RAD51B: variants seen among roughly 807,000 people sequenced by gnomAD.
RAD51B encodes RAD51 paralog B.
In RAD51B, 38 loss-of-function variants were observed where a neutral mutation model predicts 42.2. The observed-to-expected ratio is 0.90, with a 90% CI of 0.70 to 1.18. The LOEUF is 1.18. Ranked by LOEUF, RAD51B falls within the 50% of genes most tolerant of loss-of-function variation. RAD51B has a pLI of 0.00. For missense variants in RAD51B, 373 were observed against 400.7 expected, an observed-to-expected ratio of 0.93 and a Z score of 0.59; for synonymous variants, 154 against 145.2, an observed-to-expected ratio of 1.06 and a Z score of -0.43.
intron 7 of RAD51B, among the ~76,000 whole-genome samples, chr14:68,034,450 G>T (rs2076091775): frequency 6.6e-6 from 1 of 151,932 alleles, no homozygotes; most frequent in Admixed American, 6.6e-5. Flanking sequence ...TTTGTATTTT[G>T]TGGAGTCAGA....
chr14:68,458,688 A>T (rs1052910392), intron 9 of RAD51B, among the ~76,000 whole-genome samples: 2 of 149,514 alleles, frequency 1.3e-5, no homozygotes, highest in African/African-American at 4.9e-5. Context: ...ATATCATATT[A>T]TTATATTGTA....
intron 10 of RAD51B, among the ~76,000 whole-genome samples, chr14:68,508,698 G>T (rs528742430): frequency 6.6e-6 from 1 of 152,270 alleles, no homozygotes; most frequent in African/African-American, 2.4e-5. Flanking sequence ...CAGCTTCCTT[G>T]GTGTCATCAG....
At chr14:67,945,573 C>T (rs537418998) in intron 7 of RAD51B, among the ~76,000 whole-genome samples, 2 of 152,256 alleles carry the variant, frequency 1.3e-5, no homozygotes, top group East Asian at 3.9e-4. Context: ...CGGGTTCAAG[C>T]GATTCTCGTG....
At chr14:68,485,202 C>T (rs1408580255) in intron 10 of RAD51B, among the ~76,000 whole-genome samples, 1 of 152,194 alleles carries the variant, frequency 6.6e-6, no homozygotes, top group East Asian at 1.9e-4. Flanking sequence ...TGCAAGCATA[C>T]TCATTCCCTC....
intron 10 of RAD51B, among the ~76,000 whole-genome samples, chr14:68,556,774 T>A (rs1214849622): frequency 6.6e-6 from 1 of 152,146 alleles, no homozygotes; most frequent in East Asian, 1.9e-4. Context: ...GGAGGGCTGG[T>A]CACACCAACT....
chr14:68,645,346 G>A (rs891573285), intron 10 of RAD51B, among the ~76,000 whole-genome samples: 1 of 152,098 alleles, frequency 6.6e-6, no homozygotes, highest in African/African-American at 2.4e-5. Context: ...TTTTAAGGGT[G>A]GATAATATTC....
At chr14:68,517,831 A>G (rs1476990522) in intron 10 of RAD51B, among the ~76,000 whole-genome samples, 2 of 152,198 alleles carry the variant, frequency 1.3e-5, no homozygotes, top group Non-Finnish European at 2.9e-5. Context: ...CACTTGTCAA[A>G]GGTATATGGA....
chr14:68,025,482 T>C (rs1041862892), intron 7 of RAD51B, among the ~76,000 whole-genome samples: 13 of 144,916 alleles, frequency 9.0e-5, no homozygotes, highest in Non-Finnish European at 1.5e-4. Flanking sequence ...TAGGCTTTTT[T>C]TTTTTTTTTT....
intron 7 of RAD51B, among the ~76,000 whole-genome samples, chr14:67,900,990 C>T (rs1474505138): frequency 6.6e-6 from 1 of 152,122 alleles, no homozygotes; most frequent in Admixed American, 6.5e-5. Flanking sequence ...ATAAGGCTTG[C>T]AGCCACTGGA....
chr14:68,402,012 A>C (rs1189502899), intron 8 of RAD51B, among the ~76,000 whole-genome samples: 2 of 152,128 alleles, frequency 1.3e-5, no homozygotes, highest in Non-Finnish European at 2.9e-5. Context: ...TGACCTATAG[A>C]CCATTGTCAA....
Position 68,643,400 on chromosome 14 carries a change from A to T in RAD51B, c.1037-7381A>T, listed in dbSNP as rs374561026. 1.4e-3 allele frequency among the ~76,000 whole-genome samples: 211 copies of T among 152,240 alleles called. 1 individual carries two copies. The highest frequency in any genetic ancestry group is 4.7e-3 in the African/African-American group (194 of 41,552). ...TTACTTTTAATCTATGTGTGTTTTT[A>T]TATTTAAAGTAGATTTCTTGTAGAC... On this transcript the variant is annotated intron_variant, in intron 10 of 11. Transcript: ENST00000488612.
intron 4 of RAD51B, among the ~76,000 whole-genome samples, chr14:67,837,781 A>AT (rs1445452311): frequency 6.6e-6 from 1 of 152,182 alleles, no homozygotes; most frequent in Non-Finnish European, 1.5e-5. Flanking sequence ...AGCATTTATC[A>AT]TTTTTTGTGT....
chr14:68,131,977 A>G (rs189041554), intron 7 of RAD51B, among the ~76,000 whole-genome samples: 27 of 152,334 alleles, frequency 1.8e-4, no homozygotes, highest in Admixed American at 1.6e-3. Flanking sequence ...TATTGGAAGG[A>G]TATTAAAGAG....
chr14:68,488,722 G>A (rs762134812), intron 10 of RAD51B, among the ~76,000 whole-genome samples: 6 of 152,036 alleles, frequency 3.9e-5, no homozygotes, highest in Non-Finnish European at 8.8e-5. Flanking sequence ...TGTTGTATTC[G>A]GAGTTGAGCC....
chr14:68,398,221 G>T (rs1475816251), intron 8 of RAD51B, among the ~76,000 whole-genome samples: 2 of 152,246 alleles, frequency 1.3e-5, no homozygotes, highest in Non-Finnish European at 1.5e-5. Flanking sequence ...TCACTTCTCT[G>T]CCTATGAAAC....
At chr14:67,835,697 A>T (rs1028892064) in intron 4 of RAD51B, among the ~76,000 whole-genome samples, 4 of 151,570 alleles carry the variant, frequency 2.6e-5, no homozygotes, top group Non-Finnish European at 1.5e-5. Context: ...CAAAAAAAAA[A>T]TAAAAAAAAC....
chr14:68,255,131 C>G (rs2080725797), intron 7 of RAD51B, among the ~76,000 whole-genome samples: 1 of 151,280 alleles, frequency 6.6e-6, no homozygotes, highest in Non-Finnish European at 1.5e-5. Context: ...GCTCTTTTTC[C>G]CTTTTCTTCC....
intron 10 of RAD51B, among the ~76,000 whole-genome samples, chr14:68,625,220 C>G (rs568375452): frequency 3.3e-4 from 51 of 152,250 alleles, no homozygotes; most frequent in African/African-American, 1.2e-3. Flanking sequence ...TCCCCTACAC[C>G]CATGGTCAGC....
chr14:68,173,952 G>T (rs2078918613), intron 7 of RAD51B, among the ~76,000 whole-genome samples: 1 of 152,186 alleles, frequency 6.6e-6, no homozygotes, highest in Non-Finnish European at 1.5e-5. Flanking sequence ...AACTTACTCT[G>T]CAGGGCATCT....
Sources: allele counts gnomAD v4.1 joint callset (sites outside exome capture counted in the v4.1 genomes callset), GRCh38; gene constraint gnomAD v4.1.1; transcripts MANE v1.5; gene names NCBI Gene and HGNC (gene_info 2026-07-23, HGNC 2026-07-21).